TENM3: variants seen among roughly 807,000 people sequenced by gnomAD.
TENM3 encodes the protein teneurin-3.
TENM3 carries 63 observed loss-of-function variants against 255.1 expected under a neutral mutation model. That is an observed-to-expected ratio of 0.25 (90% CI 0.20 to 0.30). The LOEUF (loss-of-function observed/expected upper bound fraction) is 0.30, where lower values mean the gene tolerates loss of function less well. Ranked by LOEUF, TENM3 falls within the 10% of genes least tolerant of loss-of-function variation. TENM3 has a pLI of 1.00. For missense variants in TENM3, 2,929 were observed against 3,461.1 expected, an observed-to-expected ratio of 0.85 and a Z score of 3.86; for synonymous variants, 1,306 against 1,322.3, an observed-to-expected ratio of 0.99 and a Z score of 0.27.
At chr4:181,882,897 T>C in the TENM3 span, among the ~76,000 whole-genome samples, 1,123 of 152,270 alleles carry the variant, frequency 7.4e-3, 9 homozygotes, top group African/African-American at 0.025. Flanking sequence ...AAAGGTATGA[T>C]TAAGAGAAAC....
chr4:181,928,545 C>A, the TENM3 span, among the ~76,000 whole-genome samples: 4 of 151,620 alleles, frequency 2.6e-5, no homozygotes, highest in Non-Finnish European at 5.9e-5. Flanking sequence ...AAGACCAAAC[C>A]TACGTTTGAT....
intron 13 of TENM3, 101 bp downstream of exon 13, chr4:182,714,334 AAAAAAC>A: frequency 1.1e-6 from 1 of 937,882 alleles, no homozygotes; most frequent in Non-Finnish European, 1.5e-6. Flanking sequence ...AAAAAAAAAA[AAAAAAC>A]CTGATCCCCA....
chr4:182,722,070 G>C (rs1221956334), intron 13 of TENM3, among the ~76,000 whole-genome samples: 2 of 152,000 alleles, frequency 1.3e-5, no homozygotes, highest in East Asian at 3.9e-4. Context: ...ATTTGTCTGA[G>C]GTTTATCTTT....
At chr4:181,508,989 G>A in the TENM3 span, among the ~76,000 whole-genome samples, 2,726 of 128,406 alleles carry the variant, frequency 0.021, 48 homozygotes, top group East Asian at 0.088. Flanking sequence ...CAGGCAATTT[G>A]ACCTCCCTGC....
At chr4:181,801,651 AATAT>A in the TENM3 span, among the ~76,000 whole-genome samples, 2,513 of 79,474 alleles carry the variant, frequency 0.032, 36 homozygotes, top group African/African-American at 0.041. Context: ...AGAATTGTAA[AATAT>A]ATATATATAT....
intron 11 of TENM3, among the ~76,000 whole-genome samples, chr4:182,684,905 G>GGC (rs1183628987): frequency 6.6e-6 from 1 of 152,152 alleles, no homozygotes; most frequent in African/African-American, 2.4e-5. Flanking sequence ...TTAGCAAGAA[G>GGC]TAAAAAGGCT....
chr4:182,446,538 C>T (rs1280811010), intron 3 of TENM3, among the ~76,000 whole-genome samples: 2 of 152,048 alleles, frequency 1.3e-5, no homozygotes, highest in Admixed American at 1.3e-4. Context: ...TTCGAACGTT[C>T]TAGTCCAAGT....
At chr4:181,572,576 C>T in the TENM3 span, among the ~76,000 whole-genome samples, 634 of 152,024 alleles carry the variant, frequency 4.2e-3, 3 homozygotes, top group Middle Eastern at 0.01. Context: ...TGAGTACATT[C>T]CTTATTGTTT....
chr4:181,691,131 A>G, the TENM3 span, among the ~76,000 whole-genome samples: 1 of 152,208 alleles, frequency 6.6e-6, no homozygotes, highest in South Asian at 2.1e-4. Flanking sequence ...ATTTTAGTTT[A>G]AATATACACT....
At chr4:182,197,598 A>C (rs1411705654) in intron 1 of TENM3, among the ~76,000 whole-genome samples, 1 of 152,236 alleles carries the variant, frequency 6.6e-6, no homozygotes, top group Non-Finnish European at 1.5e-5. Context: ...AAAGAAAAAA[A>C]ATGTGTAAAG....
the TENM3 span, among the ~76,000 whole-genome samples, chr4:182,039,082 AC>A: frequency 1.3e-5 from 2 of 151,966 alleles, no homozygotes; most frequent in African/African-American, 2.4e-5. Context: ...CTTTCTAGAA[AC>A]CCTAGAACAC....
the TENM3 span, among the ~76,000 whole-genome samples, chr4:181,581,032 T>G: frequency 1.1e-3 from 171 of 152,264 alleles, no homozygotes; most frequent in Admixed American, 2.2e-3. Context: ...ACAGATCATT[T>G]TTCCCCATGC....
the TENM3 span, among the ~76,000 whole-genome samples, chr4:181,726,175 A>G: frequency 8.9e-4 from 135 of 152,310 alleles, 3 homozygotes; most frequent in East Asian, 0.025. Flanking sequence ...GAATACAAAG[A>G]TTATTTCAAA....
the TENM3 span, among the ~76,000 whole-genome samples, chr4:181,525,895 C>T: frequency 6.6e-6 from 1 of 152,066 alleles, no homozygotes; most frequent in African/African-American, 2.4e-5. Flanking sequence ...GTGCTCCAGC[C>T]TGCTAAGGAA....
chr4:181,678,561 G>A, the TENM3 span, among the ~76,000 whole-genome samples: 3 of 151,996 alleles, frequency 2.0e-5, no homozygotes, highest in Non-Finnish European at 2.9e-5. Flanking sequence ...TAGCTGGGGT[G>A]TATTTATGGA....
At chr4:182,004,114 A>C in the TENM3 span, among the ~76,000 whole-genome samples, 1 of 152,078 alleles carries the variant, frequency 6.6e-6, no homozygotes, top group African/African-American at 2.4e-5. Context: ...AAAACAAAAC[A>C]AAACAGGATA....
the TENM3 span, among the ~76,000 whole-genome samples, chr4:181,529,638 A>C: frequency 1.3e-5 from 2 of 152,190 alleles, no homozygotes; most frequent in Non-Finnish European, 2.9e-5. Flanking sequence ...AATGAGCTGC[A>C]CTTGGAAATA....
chr4:182,107,707 A>G, the TENM3 span, among the ~76,000 whole-genome samples: 3 of 152,130 alleles, frequency 2.0e-5, no homozygotes, highest in Admixed American at 2.0e-4. Flanking sequence ...TTTCCTGTTA[A>G]TCACATTTCT....
At chr4:182,013,067 C>T in the TENM3 span, among the ~76,000 whole-genome samples, 1 of 152,116 alleles carries the variant, frequency 6.6e-6, no homozygotes, top group South Asian at 2.1e-4. Context: ...TCCATTATAT[C>T]ACAATTCTCC....
Sources: gnomAD v4.1 joint callset for allele counts (sites outside exome capture counted in the v4.1 genomes callset) on GRCh38, gnomAD v4.1.1 for gene constraint, MANE v1.5 for transcripts, NCBI Gene and HGNC (gene_info 2026-07-23, HGNC 2026-07-21) for gene names.